FAM13C: variants seen among roughly 807,000 people sequenced by gnomAD.
FAM13C encodes protein FAM13C.
FAM13C carries 37 observed loss-of-function variants against 73.2 expected under a neutral mutation model. The ratio of observed to expected loss-of-function variants is 0.51; its 90% CI spans 0.39 to 0.67. The LOEUF (loss-of-function observed/expected upper bound fraction) is 0.67. Among genes scored for constraint, FAM13C ranks in the 30% least tolerant of loss-of-function variants. FAM13C has a pLI of 0.00. For synonymous variants in FAM13C, 246 were observed against 260.9 expected, an observed-to-expected ratio of 0.94 and a Z score of 0.55; for missense variants, 589 against 715.6, an observed-to-expected ratio of 0.82 and a Z score of 2.02.
intron 5 of FAM13C, among the ~76,000 whole-genome samples, chr10:59,295,373 G>C (rs754894992): frequency 6.6e-6 from 1 of 152,196 alleles, no homozygotes; most frequent in Non-Finnish European, 1.5e-5. Context: ...AGAAGGATTT[G>C]CCACGCTGTT....
Position 59,283,688 on chromosome 10 carries a change from G to C in FAM13C, c.508-241C>G. 5.0e-6 allele frequency: 3 copies of C among 599,840 alleles called. No homozygotes were observed. In the South Asian group the frequency reaches 6.0e-5, roughly 12 times the overall value. 37.2% of individuals were successfully genotyped at this position (599,840 alleles called of 1,614,324 possible). A position where few individuals can be genotyped will look rare whatever the true frequency, so the allele number is the denominator to read the frequency against. On this transcript the variant is annotated intron_variant, in intron 5 of 13. Transcript: ENST00000618804. ...CATATACGCATCATTCCACATGCAG[G>C]CTGAGTTTCTGCCTCATTTAAATCC...
At chr10:59,254,519 G>T in intron 10 of FAM13C, 76 bp from the exon 11 acceptor site, 2 of 741,684 alleles carry the variant, frequency 2.7e-6, no homozygotes, top group Non-Finnish European at 4.1e-6. Context: ...CAGACAAAAA[G>T]CCTCAAAGTA....
intron 5 of FAM13C, among the ~76,000 whole-genome samples, chr10:59,299,020 A>G (rs1847250829): frequency 6.6e-6 from 1 of 152,164 alleles, no homozygotes; most frequent in Admixed American, 6.5e-5. Flanking sequence ...AGTTTCAGTT[A>G]GAAAGGATAA....
chr10:59,350,940 A>C (rs1854954634), intron 3 of FAM13C, among the ~76,000 whole-genome samples: 1 of 152,236 alleles, frequency 6.6e-6, no homozygotes, highest in African/African-American at 2.4e-5. Context: ...TGGAACTTCC[A>C]TGTCCCCAAA....
intron 5 of FAM13C, among the ~76,000 whole-genome samples, chr10:59,293,835 A>G (rs1391891587): frequency 6.6e-6 from 1 of 152,256 alleles, no homozygotes; most frequent in Admixed American, 6.5e-5. Context: ...AGCTGGATAC[A>G]CATTTGCTTC....
chr10:59,358,786 A>C (rs1379302081), intron 1 of FAM13C, among the ~76,000 whole-genome samples: 1 of 152,214 alleles, frequency 6.6e-6, no homozygotes, highest in Non-Finnish European at 1.5e-5. Flanking sequence ...GTTGGAGAAG[A>C]TTCTGAAGTA....
intron 13 of FAM13C, 154 bp from the exon 14 acceptor site, chr10:59,247,891 CCTT>C: frequency 3.1e-6 from 2 of 649,314 alleles, no homozygotes; most frequent in South Asian, 4.2e-5. Flanking sequence ...TTCATTCACT[CCTT>C]CTTCCATGTG....
At chr10:59,302,040 A>G (rs1293940649) in intron 5 of FAM13C, among the ~76,000 whole-genome samples, 1 of 151,738 alleles carries the variant, frequency 6.6e-6, no homozygotes, top group Non-Finnish European at 1.5e-5. Context: ...AAGCCCCATC[A>G]TTTCTCTTTT....
At chr10:59,293,440 G>A (rs1300475288) in intron 5 of FAM13C, among the ~76,000 whole-genome samples, 1 of 152,046 alleles carries the variant, frequency 6.6e-6, no homozygotes, top group Admixed American at 6.6e-5. Flanking sequence ...TCTGTGACTG[G>A]CTTATTTCAT....
intron 5 of FAM13C, chr10:59,301,075 G>A (rs1219209404): frequency 6.6e-6 from 1 of 152,246 alleles, no homozygotes; most frequent in East Asian, 1.9e-4. Flanking sequence ...TGCTGGGAAT[G>A]ATACAGGACA....
chr10:59,254,194 G>A, intron 11 of FAM13C, 154 bp downstream of exon 11: 1 of 441,210 alleles, frequency 2.3e-6, no homozygotes, highest in South Asian at 8.1e-5. Flanking sequence ...AATGGGGTTA[G>A]AGAAGACCAA....
Position 59,305,444 on chromosome 10 carries a change from T to C in FAM13C, c.444-2580A>G, listed in dbSNP as rs1848146442. ...TTAATGAATAAGAGATTTGTCAGTG[T>C]TAACATTTATAAAAAGATTTCTTTG... On this transcript the variant is annotated intron_variant, in intron 4 of 13. Transcript: ENST00000618804. Among the ~76,000 whole-genome samples, 3 of 152,224 alleles carry C rather than the reference T, an allele frequency of 2.0e-5. No individual in the cohort carries two copies. In the East Asian group the frequency reaches 5.8e-4, roughly 29 times the overall value.
chr10:59,291,842 G>T (rs1157331558), intron 5 of FAM13C, among the ~76,000 whole-genome samples: 1 of 137,188 alleles, frequency 7.3e-6, no homozygotes, highest in African/African-American at 2.8e-5. Flanking sequence ...AGGCTGGAGT[G>T]CAGTGGTGTG....
intron 4 of FAM13C, among the ~76,000 whole-genome samples, chr10:59,321,025 A>G (rs1248419523): frequency 6.6e-6 from 1 of 152,206 alleles, no homozygotes; most frequent in African/African-American, 2.4e-5. Flanking sequence ...AGTCTGATAC[A>G]TGTTTTAGAG....
chr10:59,249,408 GAAAAAA>G (rs71006241), intron 13 of FAM13C, among the ~76,000 whole-genome samples: 10 of 99,172 alleles, frequency 1.0e-4, no homozygotes, highest in South Asian at 3.5e-4. Flanking sequence ...CGTCTCAAAA[GAAAAAA>G]AAAAAAAAAA....
chr10:59,324,159 T>C (rs1374036887), intron 3 of FAM13C, 53 bp from the exon 4 acceptor site: 67 of 1,388,676 alleles, frequency 4.8e-5, no homozygotes, highest in Non-Finnish European at 6.7e-5. Flanking sequence ...ATCAGTTCCA[T>C]AGCATTATTA....
intron 3 of FAM13C, among the ~76,000 whole-genome samples, chr10:59,350,015 T>TA (rs1854821980): frequency 6.6e-6 from 1 of 152,212 alleles, no homozygotes; most frequent in Non-Finnish European, 1.5e-5. Context: ...CTTACATTCT[T>TA]ACGGCAATAG....
Position 59,323,920 on chromosome 10 carries a change from G to A in FAM13C, c.443+68C>T, listed in dbSNP as rs1850711719. On this transcript the variant is annotated intron_variant, in intron 4 of 13. Coordinates refer to ENST00000618804, the MANE Select transcript of FAM13C (RefSeq NM_198215.4). ...AAGCCTTGCCTCTTGTGTGGGAGTG[G>A]CAAGCACACAGCATTTCTGAGAAAG... 3.8e-6 allele frequency: 5 copies of A among 1,307,330 alleles called. No homozygotes were observed. The Admixed American group carries it at 8.8e-5, about 23-fold the overall frequency. 81.0% of individuals were successfully genotyped at this position (1,307,330 alleles called of 1,614,324 possible). A position where few individuals can be genotyped will look rare whatever the true frequency, so the allele number is the denominator to read the frequency against.
intron 5 of FAM13C, among the ~76,000 whole-genome samples, chr10:59,289,556 A>G (rs1265906553): frequency 6.6e-6 from 1 of 152,218 alleles, no homozygotes; most frequent in East Asian, 1.9e-4. Flanking sequence ...GCTCTGCAGT[A>G]TGAGGCTATT....
Sources: gnomAD v4.1 joint callset for allele counts (sites outside exome capture counted in the v4.1 genomes callset) on GRCh38, gnomAD v4.1.1 for gene constraint, MANE v1.5 for transcripts, NCBI Gene and HGNC (gene_info 2026-07-23, HGNC 2026-07-21) for gene names.